The following HS6ST3 variants were observed in gnomAD, a reference collection of about 807,000 sequenced individuals.
HS6ST3 encodes the protein heparan sulfate 6-O-sulfotransferase 3.
Under a neutral mutation model 36.7 loss-of-function variants are expected in HS6ST3, and 12 were observed. The observed-to-expected ratio is 0.33, with a 90% CI of 0.21 to 0.53. The LOEUF is 0.53. HS6ST3 is among the 20% of genes least tolerant of loss of function. The pLI, the probability that HS6ST3 is intolerant of heterozygous loss-of-function variation, is 0.95. For synonymous variants in HS6ST3, 240 were observed against 257.5 expected (o/e 0.93, Z 0.65); for missense variants, 584 against 640.9 (o/e 0.91, Z 0.96).
chr13:96,816,394 G>A (rs1313540933), intron 1 of HS6ST3, among the ~76,000 whole-genome samples: 1 of 152,172 alleles, frequency 6.6e-6, no homozygotes, highest in African/African-American at 2.4e-5. Flanking sequence ...TTTGGTTCAC[G>A]TTGTACTGGG....
chr13:96,304,546 G>T (rs1174785616), intron 1 of HS6ST3, among the ~76,000 whole-genome samples: 2 of 151,880 alleles, frequency 1.3e-5, no homozygotes, highest in African/African-American at 4.8e-5. Context: ...GTGAAAGGGT[G>T]ATCATTTTGG....
intron 1 of HS6ST3, among the ~76,000 whole-genome samples, chr13:96,140,331 A>G (rs1200338640): frequency 6.6e-6 from 1 of 152,180 alleles, no homozygotes; most frequent in Non-Finnish European, 1.5e-5. Context: ...CAAGCATTGT[A>G]TAGGCTTAAA....
chr13:96,370,513 G>A (rs572120411), intron 1 of HS6ST3, among the ~76,000 whole-genome samples: 4 of 152,272 alleles, frequency 2.6e-5, no homozygotes, highest in East Asian at 3.9e-4. Flanking sequence ...GAGTGTTACC[G>A]TCACTATTGA....
intron 1 of HS6ST3, among the ~76,000 whole-genome samples, chr13:96,518,145 C>T (rs977586621): frequency 6.6e-6 from 1 of 152,186 alleles, no homozygotes; most frequent in Non-Finnish European, 1.5e-5. Flanking sequence ...ACTCTTTTCT[C>T]TGACCATTTG....
At chr13:96,297,491 A>T (rs895220566) in intron 1 of HS6ST3, among the ~76,000 whole-genome samples, 37 of 152,252 alleles carry the variant, frequency 2.4e-4, no homozygotes, top group South Asian at 8.3e-4. Context: ...GGTTAAAGTG[A>T]AAAAGCTCTT....
At chr13:96,399,931 A>G (rs1045506662) in intron 1 of HS6ST3, among the ~76,000 whole-genome samples, 16 of 152,160 alleles carry the variant, frequency 1.1e-4, no homozygotes, top group African/African-American at 3.9e-4. Flanking sequence ...CTAATTTACT[A>G]CGTCAGTCCT....
intron 1 of HS6ST3, among the ~76,000 whole-genome samples, chr13:96,158,629 G>T (rs2054121301): frequency 7.6e-6 from 1 of 131,824 alleles, no homozygotes; most frequent in African/African-American, 2.9e-5. Flanking sequence ...CTCCAGCCTG[G>T]GAGACAGAGC....
chr13:96,125,763 CATTTTTTT>C (rs2053947534), intron 1 of HS6ST3, among the ~76,000 whole-genome samples: 14 of 150,942 alleles, frequency 9.3e-5, no homozygotes, highest in African/African-American at 3.4e-4. Flanking sequence ...TTTTTTCTTC[CATTTTTTT>C]ATTTTTTATT....
intron 1 of HS6ST3, among the ~76,000 whole-genome samples, chr13:96,343,602 A>G (rs2055140368): frequency 6.6e-6 from 1 of 152,170 alleles, no homozygotes; most frequent in Admixed American, 6.5e-5. Context: ...AGAATGTGAC[A>G]TTGACATATT....
intron 1 of HS6ST3, among the ~76,000 whole-genome samples, chr13:96,566,884 CAG>C (rs2056283259): frequency 6.6e-6 from 1 of 151,990 alleles, no homozygotes; most frequent in South Asian, 2.1e-4. Context: ...GAACAAATAA[CAG>C]AGGAAATAAC....
intron 1 of HS6ST3, among the ~76,000 whole-genome samples, chr13:96,251,410 G>A (rs1424398827): frequency 6.6e-6 from 1 of 151,746 alleles, no homozygotes; most frequent in East Asian, 1.9e-4. Flanking sequence ...TATCCTTTGT[G>A]TTTCTGTGGT....
chr13:96,232,505 G>A (rs1329838991), intron 1 of HS6ST3, among the ~76,000 whole-genome samples: 1 of 152,084 alleles, frequency 6.6e-6, no homozygotes, highest in Non-Finnish European at 1.5e-5. Context: ...CACCAGAGAG[G>A]GCTAAAAGGG....
rs60780546 is a variant in HS6ST3 at position 96,432,437 on chromosome 13, T to C, written c.707+340868T>C. Among the ~76,000 whole-genome samples the C allele has an allele frequency of 5.3e-5, 8 of 152,312 alleles. No homozygotes were observed. In the East Asian group the frequency reaches 1.4e-3, roughly 26 times the overall value. On this transcript the variant is annotated intron_variant, in intron 1 of 1. Transcript: ENST00000376705. ...TTCTTTTAAAAGATATCTTTTCTAGTATATTGTTAATAAAGGCCACAAACA... is the reference window on the plus strand; with the variant it reads ...TTCTTTTAAAAGATATCTTTTCTAGCATATTGTTAATAAAGGCCACAAACA...
intron 1 of HS6ST3, among the ~76,000 whole-genome samples, chr13:96,389,799 A>C (rs910603472): frequency 6.6e-6 from 1 of 152,322 alleles, no homozygotes; most frequent in South Asian, 2.1e-4. Flanking sequence ...GGATCTCCCT[A>C]AGATTTTAAC....
At chr13:96,548,861 GT>G (rs1323750642) in intron 1 of HS6ST3, among the ~76,000 whole-genome samples, 1 of 152,204 alleles carries the variant, frequency 6.6e-6, no homozygotes, top group Non-Finnish European at 1.5e-5. Flanking sequence ...GCCTTACTCG[GT>G]CTATGGATTT....
intron 1 of HS6ST3, among the ~76,000 whole-genome samples, chr13:96,255,027 G>C (rs147583123): frequency 0.019 from 2,856 of 152,256 alleles, 35 homozygotes; most frequent in Non-Finnish European, 0.031. Flanking sequence ...GTGAAAGTTA[G>C]GTTAGAAAAG....
chr13:96,300,836 CAACTT>C, intron 1 of HS6ST3, among the ~76,000 whole-genome samples: 1 of 152,070 alleles, frequency 6.6e-6, no homozygotes, highest in African/African-American at 2.4e-5. Context: ...ATAATAGTAA[CAACTT>C]AATGACCTCA....
rs953027846 is a variant in HS6ST3, at chr13:96,219,199, T to A, written c.707+127630T>A. On this transcript the variant is annotated intron_variant, in intron 1 of 1. Transcript: ENST00000376705. The stretch of plus-strand genomic sequence containing the variant: ...CCCTTTCACCTTCTTTTCAAAAAAA[T>A]TTTAAATTAATAAGAATTGTATATA... Among the ~76,000 whole-genome samples, 4 of 152,202 alleles carry A rather than the reference T, an allele frequency of 2.6e-5. No individual in the cohort carries two copies. The South Asian group carries it at 8.3e-4, about 31-fold the overall frequency.
chr13:96,150,508 A>C (rs1200642880), intron 1 of HS6ST3, among the ~76,000 whole-genome samples: 1 of 152,150 alleles, frequency 6.6e-6, no homozygotes, highest in African/African-American at 2.4e-5. Context: ...TATCAGTAGA[A>C]TATTGACAGA....
Sources: gnomAD v4.1 joint callset for allele counts (sites outside exome capture counted in the v4.1 genomes callset) on GRCh38, gnomAD v4.1.1 for gene constraint, MANE v1.5 for transcripts, NCBI Gene and HGNC (gene_info 2026-07-23, HGNC 2026-07-21) for gene names.